COL15A1: variants seen among roughly 807,000 people sequenced by gnomAD.
COL15A1 encodes collagen type XV alpha 1 chain, also known as collagen alpha-1(XV) chain.
In COL15A1, 111 loss-of-function variants were observed where a neutral mutation model predicts 165.9. The ratio of observed to expected loss-of-function variants is 0.67; its 90% confidence interval spans 0.57 to 0.78. The LOEUF is 0.78. Among genes scored for constraint, COL15A1 ranks in the 30% least tolerant of loss-of-function variants. The pLI, the probability that COL15A1 is intolerant of heterozygous loss-of-function variation, is 0.00. For synonymous variants in COL15A1, 659 were observed against 674.8 expected (o/e 0.98, Z 0.36); for missense variants, 1,745 against 1,789.7 (o/e 0.98, Z 0.45).
At chr9:99,008,930 A>G (rs932022755) in intron 9 of COL15A1, among the ~76,000 whole-genome samples, 1 of 152,214 alleles carries the variant, frequency 6.6e-6, no homozygotes, top group Non-Finnish European at 1.5e-5. Context: ...TAAAAGCTGT[A>G]AATAGCTCAA....
intron 35 of COL15A1, among the ~76,000 whole-genome samples, 170 bp from the exon 36 acceptor site, chr9:99,059,719 G>A (rs963652698): frequency 5.9e-5 from 9 of 152,202 alleles, no homozygotes; most frequent in African/African-American, 2.2e-4. Context: ...CAGTCAATGT[G>A]GCCTAAGTCA....
At chr9:99,034,637 C>CCTCCCT in intron 17 of COL15A1, 53 bp downstream of exon 17, 1 of 583,452 alleles carries the variant, frequency 1.7e-6, no homozygotes, top group Non-Finnish European at 2.4e-6. Context: ...CCCTCCTCCC[C>CCTCCCT]TTTCTTTGAG....
chr9:98,951,653 G>T (rs1719890749), intron 2 of COL15A1, among the ~76,000 whole-genome samples: 1 of 152,154 alleles, frequency 6.6e-6, no homozygotes, highest in Non-Finnish European at 1.5e-5. Context: ...AAGCCTCAAA[G>T]TCCTGGGCTC....
At chr9:99,064,719 A>C (rs1825867725) in intron 39 of COL15A1, among the ~76,000 whole-genome samples, 1 of 152,234 alleles carries the variant, frequency 6.6e-6, no homozygotes, top group African/African-American at 2.4e-5. Context: ...TCATAAGAAG[A>C]ACCAAAAGGT....
At chr9:99,001,369 G>A (rs1462623934) in intron 7 of COL15A1, among the ~76,000 whole-genome samples, 3 of 152,266 alleles carry the variant, frequency 2.0e-5, no homozygotes, top group South Asian at 4.1e-4. Flanking sequence ...TTTTTGAAAT[G>A]CTGGGCTCCC....
At chr9:99,033,582 C>A (rs576398249) in intron 16 of COL15A1, among the ~76,000 whole-genome samples, 26 of 152,190 alleles carry the variant, frequency 1.7e-4, no homozygotes, top group Non-Finnish European at 3.1e-4. Flanking sequence ...TTCCCCTTGG[C>A]ATTTCTATTT....
At chr9:99,001,600 C>T (rs1838656542) in intron 7 of COL15A1, among the ~76,000 whole-genome samples, 1 of 152,164 alleles carries the variant, frequency 6.6e-6, no homozygotes, top group Admixed American at 6.5e-5. Flanking sequence ...AGTTTCCCCC[C>T]TTCTATACTC....
At chr9:98,987,844 G>T (rs1418174335) in intron 4 of COL15A1, among the ~76,000 whole-genome samples, 1 of 152,200 alleles carries the variant, frequency 6.6e-6, no homozygotes, top group Non-Finnish European at 1.5e-5. Flanking sequence ...GCCAGCCCTG[G>T]GTAGGTGCTG....
chr9:99,063,072 C>T lies in COL15A1; in HGVS notation c.3614C>T (p.Pro1205Leu). 1 of 1,587,734 alleles carries T rather than the reference C, an allele frequency of 6.3e-7. No individual in the cohort carries two copies. Among genetic ancestry groups the T allele is most frequent in the African/African-American group, 1.4e-5 (1 of 73,220 alleles). ...SSNPHQLLPP[P>L]NPISSANYEK... The stretch of plus-strand genomic sequence containing the variant: ...CAGCCACATCAGCTTCTGCCTCCAC[C>T]AAACCCTATTTCAAGTGCCAATTAT... Residue 1205 changes from proline (P) to leucine (L), a missense_variant, in exon 39 of 42, where the codon CCA becomes CTA. By Grantham distance (98) the Pro-to-Leu change is moderately conservative (BLOSUM62 -3). Transcript: ENST00000375001.
At position 98,982,773 on chromosome 9, in the gene COL15A1, C is replaced by T. The variant is rs141742378; in HGVS notation, c.101-2792C>T. ...CCTGCCACCTCAACCTCCTGGGTAG[C>T]GGGGACTACAGGTGCACACCACCTG... On this transcript the variant is annotated intron_variant, in intron 2 of 41. Transcript: ENST00000375001. Among the ~76,000 whole-genome samples the T allele has an allele frequency of 3.1e-3, 472 of 152,036 alleles. 3 individuals are homozygous for T. The highest frequency in any genetic ancestry group is 2.8e-3 in the Non-Finnish European group (189 of 67,984).
chr9:99,001,846 A>G (rs1249227300), intron 7 of COL15A1, among the ~76,000 whole-genome samples: 2 of 152,026 alleles, frequency 1.3e-5, no homozygotes, highest in Non-Finnish European at 2.9e-5. Context: ...ACTCTCTCTT[A>G]TGGGGGCTTT....
In COL15A1 at chr9:99,066,938, G is replaced by A. The variant is rs1825904535; in HGVS notation, c.3708G>A (p.Gln1236=). Residue 1236 remains glutamine, a synonymous_variant, in exon 40 of 42, where the codon CAG becomes CAA. Coordinates refer to ENST00000375001, the MANE Select transcript of COL15A1 (RefSeq NM_001855.5). ...CTGGGGACATTCGAGCTGATTTTCA[G>A]TGCTTCAAGCAGGCCAGAGCTGCAG... ...PFSGDIRADF[Q]CFKQARAAGL... is the part of the protein sequence containing the mutation. 2.5e-6 allele frequency: 4 copies of A among 1,613,976 alleles called. No homozygotes were observed. The highest frequency in any genetic ancestry group is 3.4e-6 in the Non-Finnish European group (4 of 1,180,016).
intron 2 of COL15A1, among the ~76,000 whole-genome samples, chr9:98,978,829 T>TCTCCCAG (rs1838186442): frequency 6.6e-6 from 1 of 152,034 alleles, no homozygotes; most frequent in Admixed American, 6.6e-5. Flanking sequence ...GAAAAGCAAG[T>TCTCCCAG]CTCCCAGCCC....
chr9:99,062,274 C>T lies in COL15A1; in HGVS notation c.3561C>T (p.Asp1187=), dbSNP rs753274281. ...GAGAACTGATCCCCATTCCTGCCGA[C>T]AGCCCTCCACCCCCTGCGCTTTCCA... ...QLGELIPIPA[D]SPPPPALSSN... is the part of the protein sequence containing the mutation. Residue 1187 remains aspartate, a synonymous_variant, in exon 38 of 42, where the codon GAC becomes GAT. Transcript: ENST00000375001. 1.1e-5 allele frequency: 18 copies of T among 1,613,600 alleles called. No homozygotes were observed. The South Asian group carries it at 1.9e-4, about 17-fold the overall frequency.
At chr9:99,036,524 C>T (rs1839305248) in intron 21 of COL15A1, 128 bp downstream of exon 21, 2 of 859,262 alleles carry the variant, frequency 2.3e-6, no homozygotes, top group Non-Finnish European at 3.6e-6. Flanking sequence ...GGTGTTAGAA[C>T]TTCCACCTGC....
intron 28 of COL15A1, among the ~76,000 whole-genome samples, chr9:99,048,210 C>CT (rs1256265315): frequency 6.6e-6 from 1 of 152,202 alleles, no homozygotes; most frequent in African/African-American, 2.4e-5. Flanking sequence ...GGAAAATAGA[C>CT]TTTCTTGTGT....
At chr9:98,991,622 C>T (rs1324435433) in intron 5 of COL15A1, among the ~76,000 whole-genome samples, 9 of 152,084 alleles carry the variant, frequency 5.9e-5, no homozygotes, top group East Asian at 1.9e-4. Flanking sequence ...CTAATTGGTG[C>T]GTTTACAAAC....
rs60290557 is a variant in COL15A1, at chr9:99,034,586, T to TAAAA, written c.2079+27_2079+30dup. Reference sequence around the variant, plus strand: ...CCTAATGGCTCAGTTGGTGAAAAGGTAAAAAAAAAAAAAAAAAAAAAAAAA... The same window carrying TAAAA: ...CCTAATGGCTCAGTTGGTGAAAAGGTAAAAAAAAAAAAAAAAAAAAAAAAAAAAA... On this transcript the variant is annotated splice_region_variant and intron_variant, in intron 17 of 41. Coordinates refer to ENST00000375001, the MANE Select transcript of COL15A1 (RefSeq NM_001855.5). 1.9e-4 allele frequency: 199 copies of TAAAA among 1,074,682 alleles called. No homozygotes were observed. The highest frequency in any genetic ancestry group is 4.8e-4 in the Admixed American group (9 of 18,802). 66.6% of individuals were successfully genotyped at this position (1,074,682 alleles called of 1,614,324 possible). A position where few individuals can be genotyped will look rare whatever the true frequency, so the allele number is the denominator to read the frequency against.
chr9:98,986,239 T>C, intron 3 of COL15A1, 127 bp downstream of exon 3: 1 of 791,144 alleles, frequency 1.3e-6, no homozygotes, highest in East Asian at 2.7e-5. Flanking sequence ...CGTGTTATGA[T>C]GGGAAATAAC....
Sources: allele counts gnomAD v4.1 joint callset (sites outside exome capture counted in the v4.1 genomes callset), GRCh38; gene constraint gnomAD v4.1.1; transcripts MANE v1.5; gene names NCBI Gene and HGNC (gene_info 2026-07-23, HGNC 2026-07-21).